Variants in CHST9 observed in about 807,000 individuals in gnomAD.
CHST9 encodes the protein GalNAc-4-sulfotransferase 2.
CHST9 carries 41 observed loss-of-function variants against 44.4 expected under a neutral mutation model. The ratio of observed to expected loss-of-function variants is 0.92; its 90% confidence interval spans 0.72 to 1.20. The LOEUF (loss-of-function observed/expected upper bound fraction) is 1.20. Ranked by LOEUF, CHST9 falls within the 50% of genes most tolerant of loss-of-function variation. The pLI is 0.00. For synonymous variants in CHST9, 171 were observed against 178.4 expected, an observed-to-expected ratio of 0.96 and a Z score of 0.33; for missense variants, 504 against 516.5, an observed-to-expected ratio of 0.98 and a Z score of 0.23.
At chr18:27,073,166 T>A (rs956988321) in intron 2 of CHST9, among the ~76,000 whole-genome samples, 2 of 152,152 alleles carry the variant, frequency 1.3e-5, no homozygotes, top group Non-Finnish European at 2.9e-5. Flanking sequence ...TGCCTCACAA[T>A]GTTCTGAGAA....
chr18:26,940,294 G>T (rs1023993128), intron 5 of CHST9, among the ~76,000 whole-genome samples: 3 of 152,064 alleles, frequency 2.0e-5, no homozygotes, highest in African/African-American at 7.2e-5. Context: ...GACCTTTCTT[G>T]GTCTCGTCTG....
At chr18:27,139,109 A>T (rs1213422559) in intron 2 of CHST9, among the ~76,000 whole-genome samples, 2 of 152,160 alleles carry the variant, frequency 1.3e-5, no homozygotes, top group African/African-American at 2.4e-5. Flanking sequence ...CATATTTCAG[A>T]TTTTTTGGAT....
intron 4 of CHST9, among the ~76,000 whole-genome samples, chr18:26,969,478 G>A (rs1289511393): frequency 6.6e-6 from 1 of 151,786 alleles, no homozygotes; most frequent in Non-Finnish European, 1.5e-5. Flanking sequence ...GTATATATTT[G>A]GCAATTAAGC....
At chr18:26,981,818 T>G (rs112976477) in intron 4 of CHST9, among the ~76,000 whole-genome samples, 8,518 of 152,292 alleles carry the variant, frequency 0.056, 372 homozygotes, top group South Asian at 0.13. Context: ...GTCAGCAAAT[T>G]TAGTGGGTTG....
intron 1 of CHST9, among the ~76,000 whole-genome samples, chr18:27,167,505 T>C (rs73406648): frequency 0.047 from 7,158 of 152,288 alleles, 560 homozygotes; most frequent in African/African-American, 0.16. Flanking sequence ...GAAAGTCTTC[T>C]TGGAGTTACT....
intron 4 of CHST9, among the ~76,000 whole-genome samples, chr18:26,955,895 CA>C (rs756420259): frequency 4.3e-4 from 65 of 152,182 alleles, no homozygotes; most frequent in Admixed American, 1.4e-3. Context: ...AGTTGAGGAT[CA>C]GGGGGACTCA....
At chr18:27,132,479 C>A (rs908196295) in intron 2 of CHST9, among the ~76,000 whole-genome samples, 6 of 152,142 alleles carry the variant, frequency 3.9e-5, no homozygotes, top group African/African-American at 1.2e-4. Flanking sequence ...TCTTCCTTAG[C>A]TTAGGTGCTT....
chr18:27,170,413 A>G (rs1449725087), intron 1 of CHST9, among the ~76,000 whole-genome samples: 1 of 152,230 alleles, frequency 6.6e-6, no homozygotes, highest in Non-Finnish European at 1.5e-5. Flanking sequence ...AATGTGAAAC[A>G]GGCCTTTATT....
At chr18:27,158,260 C>G (rs1282859245) in intron 1 of CHST9, among the ~76,000 whole-genome samples, 3 of 151,846 alleles carry the variant, frequency 2.0e-5, no homozygotes, top group Non-Finnish European at 2.9e-5. Flanking sequence ...CCCCTTCCCC[C>G]CACCCCACAA....
chr18:26,978,915 G>A (rs1222108536), intron 4 of CHST9, among the ~76,000 whole-genome samples: 1 of 152,180 alleles, frequency 6.6e-6, no homozygotes, highest in East Asian at 1.9e-4. Context: ...ACCCAAGGGA[G>A]AGTCAAGACC....
intron 2 of CHST9, among the ~76,000 whole-genome samples, chr18:27,093,167 T>G (rs984289570): frequency 1.3e-5 from 2 of 152,202 alleles, no homozygotes; most frequent in African/African-American, 4.8e-5. Flanking sequence ...TGGGACCTAC[T>G]GGGAGGTGTC....
intron 2 of CHST9, among the ~76,000 whole-genome samples, chr18:27,062,165 T>G (rs995909357): frequency 6.6e-6 from 1 of 152,158 alleles, no homozygotes; most frequent in African/African-American, 2.4e-5. Flanking sequence ...GTCAATTCTT[T>G]TTTTTTATTA....
intron 4 of CHST9, among the ~76,000 whole-genome samples, chr18:26,966,933 G>C (rs959029166): frequency 6.8e-6 from 1 of 146,002 alleles, no homozygotes; most frequent in African/African-American, 2.5e-5. Flanking sequence ...TCTGGAAATT[G>C]ACATGATTTC....
At chr18:27,054,835 C>G (rs748660109) in intron 2 of CHST9, among the ~76,000 whole-genome samples, 1 of 151,986 alleles carries the variant, frequency 6.6e-6, no homozygotes, top group African/African-American at 2.4e-5. Context: ...CACATGCACA[C>G]ACATGTATGT....
chr18:26,939,969 A>G (rs1407944394), intron 5 of CHST9, among the ~76,000 whole-genome samples: 1 of 152,200 alleles, frequency 6.6e-6, no homozygotes, highest in Non-Finnish European at 1.5e-5. Context: ...AGGTAGAAGT[A>G]CAGTTACCTG....
chr18:26,997,797 G>A (rs1038698127), intron 4 of CHST9, among the ~76,000 whole-genome samples: 2 of 152,094 alleles, frequency 1.3e-5, no homozygotes, highest in African/African-American at 4.8e-5. Flanking sequence ...CAAGGCCTGG[G>A]AATAAGGCTG....
At chr18:27,117,480 A>G (rs1265588744) in intron 2 of CHST9, among the ~76,000 whole-genome samples, 1 of 152,174 alleles carries the variant, frequency 6.6e-6, no homozygotes, top group Non-Finnish European at 1.5e-5. Flanking sequence ...AACAACATAT[A>G]TCTATCATTA....
intron 2 of CHST9, among the ~76,000 whole-genome samples, chr18:27,095,356 C>T (rs1410423615): frequency 1.3e-5 from 2 of 152,098 alleles, no homozygotes. Flanking sequence ...ATATAGCCTG[C>T]AGAACCTATA....
rs963494018 is a variant in CHST9 at position 26,914,585 on chromosome 18, A to G, written c.*1674T>C. 2.9e-5 allele frequency: 6 copies of G among 210,106 alleles called. No homozygotes were observed. The highest frequency in any genetic ancestry group is 1.4e-4 in the African/African-American group (6 of 43,884). The allele number at this position is 210,106 out of a possible 1,614,324, so 13.0% of individuals were successfully genotyped here. A position where few individuals can be genotyped will look rare whatever the true frequency, so the allele number is the denominator to read the frequency against. ...GAGTTAATGGCATGGAAAAGTAGTA[A>G]AAGGTTGGATTAGAAGGTTTAATAC... On this transcript the variant is annotated 3_prime_UTR_variant, in exon 6 of 6. Coordinates refer to ENST00000618847, the MANE Select transcript of CHST9 (RefSeq NM_031422.6).
Sources: gnomAD v4.1 joint callset for allele counts (sites outside exome capture counted in the v4.1 genomes callset) on GRCh38, gnomAD v4.1.1 for gene constraint, MANE v1.5 for transcripts, NCBI Gene and HGNC (gene_info 2026-07-23, HGNC 2026-07-21) for gene names.